THAP12: variants seen among roughly 807,000 people sequenced by gnomAD.
The protein encoded by THAP12 is 52 kDa repressor of the inhibitor of the protein kinase.
A neutral mutation model predicts 63.0 loss-of-function variants in THAP12; 20 were observed. That is an observed-to-expected ratio of 0.32 (90% CI 0.22 to 0.46). The LOEUF is 0.46. Among genes scored for constraint, THAP12 ranks in the 20% least tolerant of loss-of-function variants. The pLI, the probability that THAP12 is intolerant of heterozygous loss-of-function variation, is 1.00. For missense variants in THAP12, 568 were observed against 908.2 expected (o/e 0.63, Z 4.81); for synonymous variants, 264 against 328.4 (o/e 0.80, Z 2.12).
intron 3 of THAP12, among the ~76,000 whole-genome samples, chr11:76,360,611 G>A (rs1946591853): frequency 6.6e-6 from 1 of 151,446 alleles, no homozygotes; most frequent in South Asian, 2.1e-4. Context: ...TTATTCCTTT[G>A]TGCTGAACTC....
At chr11:76,360,920 G>T in intron 3 of THAP12, 36 bp downstream of exon 3, 1 of 1,365,668 alleles carries the variant, frequency 7.3e-7, no homozygotes, top group South Asian at 1.2e-5. Flanking sequence ...TAGTATTATG[G>T]GGGAAGGTGG....
chr11:76,355,162 C>T (rs967811455), intron 4 of THAP12, among the ~76,000 whole-genome samples: 2 of 152,198 alleles, frequency 1.3e-5, no homozygotes, highest in African/African-American at 4.8e-5. Context: ...TGACATAATT[C>T]GGACATCAGC....
chr11:76,359,846 T>C (rs182610118), intron 3 of THAP12, among the ~76,000 whole-genome samples: 16 of 148,786 alleles, frequency 1.1e-4, no homozygotes, highest in African/African-American at 4.0e-4. Context: ...AAAAAATCCA[T>C]AGGGAAGAAT....
chr11:76,373,387 C>T (rs901859411), intron 1 of THAP12, among the ~76,000 whole-genome samples: 5 of 150,820 alleles, frequency 3.3e-5, no homozygotes, highest in Admixed American at 6.6e-5. Context: ...TATTACAACT[C>T]ACCCCATTGT....
chr11:76,369,550 G>T (rs1946655855), intron 1 of THAP12, among the ~76,000 whole-genome samples: 1 of 152,260 alleles, frequency 6.6e-6, no homozygotes, highest in Admixed American at 6.5e-5. Flanking sequence ...AACTTGGTTG[G>T]TAAACAGTTC....
chr11:76,371,810 CTTTTTTTTTTTTTT>C (rs71036086), intron 1 of THAP12, among the ~76,000 whole-genome samples: 1 of 65,760 alleles, frequency 1.5e-5, no homozygotes, highest in Admixed American at 1.8e-4. Context: ...TTTAACTTTT[CTTTTTTTTTTTTTT>C]TTTTTTTGGT....
intron 2 of THAP12, chr11:76,364,342 CA>C: frequency 2.6e-6 from 1 of 391,466 alleles, no homozygotes; most frequent in Non-Finnish European, 5.0e-6. Flanking sequence ...GCTCACCTCC[CA>C]ATGACTTCAC....
At chr11:76,362,727 G>A (rs1184595467) in intron 2 of THAP12, among the ~76,000 whole-genome samples, 2 of 152,058 alleles carry the variant, frequency 1.3e-5, no homozygotes, top group Non-Finnish European at 2.9e-5. Context: ...AGGAGGGGAG[G>A]AATAAAACAT....
At chr11:76,371,364 T>A (rs1056111084) in intron 1 of THAP12, among the ~76,000 whole-genome samples, 2 of 152,208 alleles carry the variant, frequency 1.3e-5, no homozygotes, top group Non-Finnish European at 1.5e-5. Flanking sequence ...CAGTTAACTA[T>A]GACTCAGCCT....
Position 76,365,922 on chromosome 11 carries a change from G to A in THAP12, c.140C>T (p.Thr47Ile). 1.2e-6 allele frequency: 2 copies of A among 1,613,326 alleles called. No individual in the cohort carries two copies. Among genetic ancestry groups the A allele is most frequent in the East Asian group, 2.2e-5 (1 of 44,846 alleles). The change falls in exon 2 of 5, where the codon ACA (threonine) becomes ATA (isoleucine). Residue 47 changes from threonine (T) to isoleucine (I), a missense_variant. Thr to Ile is a moderately conservative substitution (Grantham distance 89). Coordinates refer to ENST00000260045, the MANE Select transcript of THAP12 (RefSeq NM_004705.4). ...ATAATGTTTATTTAGCTGATCAGGT[G>A]TTTTATCTTCTAAGTCTGCTCTCCT... ...NCRRADLEDK[T>I]PDQLNKHYRL...
At chr11:76,356,587 A>G (rs1254115425) in intron 3 of THAP12, 2 of 152,228 alleles carry the variant, frequency 1.3e-5, no homozygotes, top group East Asian at 1.9e-4. Flanking sequence ...AATGCTGGGG[A>G]AAAAATGGAT....
intron 2 of THAP12, among the ~76,000 whole-genome samples, chr11:76,364,040 A>G (rs527334481): frequency 6.6e-6 from 1 of 152,380 alleles, no homozygotes; most frequent in South Asian, 2.1e-4. Flanking sequence ...TTTCTGTTCT[A>G]TTCTCTAACT....
At chr11:76,355,750 T>C in intron 3 of THAP12, 96 bp from the exon 4 acceptor site, 1 of 963,720 alleles carries the variant, frequency 1.0e-6, no homozygotes, top group Non-Finnish European at 1.5e-6. Context: ...ATGCCTATTC[T>C]GAGTCAATTT....
chr11:76,367,180 G>A (rs968255927), intron 1 of THAP12, among the ~76,000 whole-genome samples: 17 of 150,804 alleles, frequency 1.1e-4, no homozygotes, highest in Non-Finnish European at 1.6e-4. Flanking sequence ...GGGTTCAAGC[G>A]ATTCTCCTGT....
chr11:76,355,685 A>G lies in THAP12; in HGVS notation c.319-31T>C, dbSNP rs367963798. On this transcript the variant is annotated intron_variant, in intron 3 of 4. Transcript: ENST00000260045. ...TGTCAAGAAAAAAAAAGAAAAAAAC[A>G]AATCATCTTTAAAAAACTGACCTCT... 3.9e-5 allele frequency: 60 copies of G among 1,554,760 alleles called. No individual in the cohort carries two copies. The African/African-American group carries it at 8.0e-4, about 21-fold the overall frequency.
chr11:76,375,800 A>G (rs995443796), intron 1 of THAP12, among the ~76,000 whole-genome samples: 19 of 151,654 alleles, frequency 1.3e-4, no homozygotes, highest in African/African-American at 1.9e-4. Context: ...TATTAATTCA[A>G]TAACACCTCT....
intron 2 of THAP12, among the ~76,000 whole-genome samples, chr11:76,365,412 G>A (rs1187495888): frequency 6.6e-6 from 1 of 151,628 alleles, no homozygotes; most frequent in African/African-American, 2.4e-5. Context: ...CCAGACAAGC[G>A]CTCACTCTGT....
At chr11:76,364,850 G>C (rs1341900810) in intron 2 of THAP12, among the ~76,000 whole-genome samples, 1 of 151,940 alleles carries the variant, frequency 6.6e-6, no homozygotes, top group Non-Finnish European at 1.5e-5. Context: ...ATGAAAACAA[G>C]AGCTCCATTC....
chr11:76,373,010 G>C (rs1389927763), intron 1 of THAP12, among the ~76,000 whole-genome samples: 1 of 152,102 alleles, frequency 6.6e-6, no homozygotes, highest in Admixed American at 6.5e-5. Flanking sequence ...TAACCTCTCT[G>C]TACCTACTTT....
Sources: allele counts gnomAD v4.1 joint callset (sites outside exome capture counted in the v4.1 genomes callset), GRCh38; gene constraint gnomAD v4.1.1; transcripts MANE v1.5; gene names NCBI Gene and HGNC (gene_info 2026-07-23, HGNC 2026-07-21).